The following XKR4 variants were observed in gnomAD, a reference collection of about 807,000 sequenced individuals.
XKR4 encodes XK related 4, also known as XK-related protein 4.
A neutral mutation model predicts 53.9 loss-of-function variants in XKR4; 12 were observed. The ratio of observed to expected loss-of-function variants is 0.22; its 90% confidence interval spans 0.14 to 0.36. XKR4 has a LOEUF of 0.36. Ranked by LOEUF, XKR4 falls within the 10% of genes least tolerant of loss-of-function variation. The pLI, the probability that XKR4 is intolerant of heterozygous loss-of-function variation, is 1.00. For missense variants in XKR4, 799 were observed against 859.5 expected (o/e 0.93, Z 0.88); for synonymous variants, 354 against 362.4 (o/e 0.98, Z 0.26).
chr8:55,172,390 A>C (rs1408856842), intron 1 of XKR4, among the ~76,000 whole-genome samples: 1 of 151,916 alleles, frequency 6.6e-6, no homozygotes, highest in Non-Finnish European at 1.5e-5. Context: ...TTTTGCACCT[A>C]CTCTTGCCCC....
intron 2 of XKR4, among the ~76,000 whole-genome samples, chr8:55,403,252 T>C (rs1426514194): frequency 1.3e-5 from 2 of 152,210 alleles, no homozygotes; most frequent in East Asian, 3.8e-4. Flanking sequence ...TAAATCACAG[T>C]TTTCATTAAC....
At chr8:55,208,151 CAG>C (rs888794454) in intron 1 of XKR4, among the ~76,000 whole-genome samples, 9 of 152,316 alleles carry the variant, frequency 5.9e-5, no homozygotes, top group Admixed American at 5.9e-4. Context: ...CTTCATCTCA[CAG>C]AGTTACCTTT....
intron 2 of XKR4, among the ~76,000 whole-genome samples, chr8:55,457,247 A>G (rs565272554): frequency 6.7e-6 from 1 of 149,552 alleles, no homozygotes; most frequent in South Asian, 2.1e-4. Context: ...GGTTCACGCC[A>G]TTCTCCTGCC....
chr8:55,230,718 G>C (rs1426062191), intron 1 of XKR4, among the ~76,000 whole-genome samples: 1 of 152,016 alleles, frequency 6.6e-6, no homozygotes, highest in Non-Finnish European at 1.5e-5. Flanking sequence ...TCATAATAGA[G>C]GAAAAACTGG....
intron 1 of XKR4, among the ~76,000 whole-genome samples, chr8:55,339,306 T>G (rs1803508431): frequency 1.3e-5 from 2 of 152,172 alleles, no homozygotes; most frequent in South Asian, 4.1e-4. Context: ...CCCCCTACAG[T>G]GAAGACTCCT....
chr8:55,208,655 C>T (rs7003997), intron 1 of XKR4, among the ~76,000 whole-genome samples: 25,084 of 151,520 alleles, frequency 0.17, 3,175 homozygotes, highest in African/African-American at 0.34. Flanking sequence ...TTAGTAGAGA[C>T]GGGATTTCAC....
intron 2 of XKR4, among the ~76,000 whole-genome samples, chr8:55,485,560 G>T (rs1372188897): frequency 6.6e-6 from 1 of 152,160 alleles, no homozygotes; most frequent in African/African-American, 2.4e-5. Flanking sequence ...TGTATTTTTA[G>T]TAGAGATGGG....
intron 2 of XKR4, among the ~76,000 whole-genome samples, chr8:55,448,665 C>G (rs1805378537): frequency 6.6e-6 from 1 of 152,148 alleles, no homozygotes; most frequent in Non-Finnish European, 1.5e-5. Flanking sequence ...TTCCTGCCCA[C>G]TATTTATCTC....
rs868714672 is a variant in XKR4 at position 55,529,070 on chromosome 8, G to A, written c.*4843G>A. The A allele has an allele frequency of 8.7e-5, 13 of 150,048 alleles. No homozygotes were observed. The highest frequency in any genetic ancestry group is 1.3e-4 in the Non-Finnish European group (9 of 67,714). The allele number at this position is 150,048 out of a possible 1,614,324, so 9.3% of individuals were successfully genotyped here. A position where few individuals can be genotyped will look rare whatever the true frequency, so the allele number is the denominator to read the frequency against. ...GGCAAGACTCTCAATCTACAGCCTC[G>A]ACAGTATCATTACTCATTCTAAAGT... On this transcript the variant is annotated 3_prime_UTR_variant, in exon 3 of 3. Transcript: ENST00000327381.
intron 1 of XKR4, among the ~76,000 whole-genome samples, chr8:55,300,312 C>T (rs28729774): frequency 0.25 from 37,945 of 151,906 alleles, 5,202 homozygotes; most frequent in African/African-American, 0.37. Flanking sequence ...ATGACAGATG[C>T]AGGAGCTGAA....
Position 55,462,532 on chromosome 8 carries a change from A to G in XKR4, c.1007-60749A>G, listed in dbSNP as rs113730806. On this transcript the variant is annotated intron_variant, in intron 2 of 2. Coordinates refer to ENST00000327381, the MANE Select transcript of XKR4 (RefSeq NM_052898.2). The stretch of plus-strand genomic sequence containing the variant: ...CCACTGCAAAAATATGCCAAATTGT[A>G]AAGACCATCAAGGCTAGGAAGAAAC... 3.2e-3 allele frequency among the ~76,000 whole-genome samples: 493 copies of G among 152,322 alleles called. 1 individual carries two copies. Among genetic ancestry groups the G allele is most frequent in the African/African-American group, 0.011 (477 of 41,578 alleles).
intron 1 of XKR4, among the ~76,000 whole-genome samples, chr8:55,180,081 A>G (rs1368423669): frequency 2.0e-5 from 3 of 152,240 alleles, no homozygotes; most frequent in African/African-American, 7.2e-5. Context: ...CAACACATGG[A>G]TTATAAACCC....
chr8:55,285,527 G>C (rs888306695), intron 1 of XKR4, among the ~76,000 whole-genome samples: 2 of 152,050 alleles, frequency 1.3e-5, no homozygotes, highest in African/African-American at 4.8e-5. Context: ...AAGGAGGAGG[G>C]AAAGCACAGA....
In XKR4 at chr8:55,523,387, C is replaced by G; in HGVS notation, c.1113C>G (p.Ala371=). ...ACAAGAAGCCCATCAGCTACATGGC[C>G]GTCATCATCCAGTTCTGCTGGCACT... ...RDDKKPISYM[A]VIIQFCWHFF... Residue 371 remains alanine (A), a synonymous_variant, in exon 3 of 3, where the codon GCC becomes GCG. Coordinates refer to ENST00000327381, the MANE Select transcript of XKR4 (RefSeq NM_052898.2). The G allele has an allele frequency of 6.2e-7, 1 of 1,614,178 alleles. No homozygotes were observed. Among genetic ancestry groups the G allele is most frequent in the Non-Finnish European group, 8.5e-7 (1 of 1,180,030 alleles).
chr8:55,436,451 A>T (rs1037013054), intron 2 of XKR4, among the ~76,000 whole-genome samples: 2 of 152,220 alleles, frequency 1.3e-5, no homozygotes, highest in African/African-American at 4.8e-5. Context: ...CCAAATTAGA[A>T]TGGTGTTGCA....
rs145108449 is a variant in XKR4, at chr8:55,138,382, G to A, written c.806+35088G>A. Among the ~76,000 whole-genome samples the A allele has an allele frequency of 3.3e-5, 5 of 152,344 alleles. No individual in the cohort carries two copies. The East Asian group carries it at 9.6e-4, about 29-fold the overall frequency. On this transcript the variant is annotated intron_variant, in intron 1 of 2. Coordinates refer to ENST00000327381, the MANE Select transcript of XKR4 (RefSeq NM_052898.2). Reference sequence around the variant, plus strand: ...GCATGTGCTCTGGGAAGAGGAAAGAGAGAGGAGCTGGGCAAAGTGGAGAAA... The same window carrying A: ...GCATGTGCTCTGGGAAGAGGAAAGAAAGAGGAGCTGGGCAAAGTGGAGAAA...
At chr8:55,468,024 C>T (rs952676) in intron 2 of XKR4, among the ~76,000 whole-genome samples, 2,395 of 152,098 alleles carry the variant, frequency 0.016, 73 homozygotes, top group African/African-American at 0.055. Flanking sequence ...TATGCTTTAA[C>T]ATATTTTTGC....
intron 2 of XKR4, among the ~76,000 whole-genome samples, chr8:55,448,212 T>C (rs1422063993): frequency 1.3e-5 from 2 of 152,252 alleles, no homozygotes; most frequent in Non-Finnish European, 2.9e-5. Context: ...TTATTAAACT[T>C]CATTTTATTC....
chr8:55,368,141 A>G (rs1046082276), intron 2 of XKR4, among the ~76,000 whole-genome samples: 7 of 151,942 alleles, frequency 4.6e-5, no homozygotes, highest in African/African-American at 9.7e-5. Context: ...TTGTATTTTT[A>G]GTAAAGACGG....
Sources: allele counts gnomAD v4.1 joint callset (sites outside exome capture counted in the v4.1 genomes callset), GRCh38; gene constraint gnomAD v4.1.1; transcripts MANE v1.5; gene names NCBI Gene and HGNC (gene_info 2026-07-23, HGNC 2026-07-21).